Variants in SOX5 observed in about 807,000 individuals in gnomAD.
SOX5 encodes the protein transcription factor SOX-5.
In SOX5, 9 loss-of-function variants were observed where a neutral mutation model predicts 92.0. That is an observed-to-expected ratio of 0.10 (90% CI 0.06 to 0.17). The LOEUF (loss-of-function observed/expected upper bound fraction) is 0.17. Among genes scored for constraint, SOX5 ranks in the 10% least tolerant of loss-of-function variants. The probability of loss-of-function intolerance (pLI) is 1.00; values close to 1 mark genes in which losing one functional copy is unlikely to be tolerated. For synonymous variants in SOX5, 344 were observed against 336.3 expected, an observed-to-expected ratio of 1.02 and a Z score of -0.25; for missense variants, 642 against 944.5, an observed-to-expected ratio of 0.68 and a Z score of 4.20.
chr12:24,446,809 T>C (rs894376842), intron 1 of SOX5, among the ~76,000 whole-genome samples: 1 of 152,034 alleles, frequency 6.6e-6, no homozygotes, highest in Non-Finnish European at 1.5e-5. Flanking sequence ...AATAGCACAC[T>C]ATAAGATGGG....
intron 4 of SOX5, among the ~76,000 whole-genome samples, chr12:24,119,277 G>C (rs1948387102): frequency 6.6e-6 from 1 of 152,012 alleles, no homozygotes; most frequent in Non-Finnish European, 1.5e-5. Context: ...ACAAAACATT[G>C]AGTAGAATTT....
At chr12:24,512,234 A>T (rs1431056713) in intron 1 of SOX5, among the ~76,000 whole-genome samples, 1 of 152,236 alleles carries the variant, frequency 6.6e-6, no homozygotes, top group Non-Finnish European at 1.5e-5. Context: ...AAGATGTCTT[A>T]CATTTGCCCA....
At chr12:24,436,720 T>C (rs938661841) in intron 1 of SOX5, among the ~76,000 whole-genome samples, 1 of 152,220 alleles carries the variant, frequency 6.6e-6, no homozygotes, top group African/African-American at 2.4e-5. Context: ...AACAGCCTTA[T>C]ATTTGAAGAA....
At chr12:24,278,938 T>C (rs1462111552) in intron 2 of SOX5, among the ~76,000 whole-genome samples, 1 of 151,078 alleles carries the variant, frequency 6.6e-6, no homozygotes, top group Non-Finnish European at 1.5e-5. Context: ...GAGACTACAC[T>C]ACTACCACAA....
intron 1 of SOX5, among the ~76,000 whole-genome samples, chr12:24,463,272 A>C (rs2137515304): frequency 6.6e-6 from 1 of 152,278 alleles, no homozygotes; most frequent in East Asian, 1.9e-4. Flanking sequence ...ACTTTATAGA[A>C]AGCAACATTT....
intron 4 of SOX5, among the ~76,000 whole-genome samples, chr12:23,960,585 C>A (rs947314968): frequency 7.2e-6 from 1 of 138,630 alleles, no homozygotes; most frequent in Non-Finnish European, 1.6e-5. Context: ...TACTAAGAAC[C>A]TGAAGTCCAC....
At chr12:23,663,943 G>C (rs770625700) in intron 7 of SOX5, among the ~76,000 whole-genome samples, 36 of 152,040 alleles carry the variant, frequency 2.4e-4, no homozygotes, top group Non-Finnish European at 3.7e-4. Context: ...TCCAGAGTGA[G>C]AATTCCATTT....
At chr12:23,672,702 CTCTT>C (rs1033958580) in intron 6 of SOX5, among the ~76,000 whole-genome samples, 4 of 151,982 alleles carry the variant, frequency 2.6e-5, no homozygotes, top group Non-Finnish European at 4.4e-5. Context: ...TGGTCACTGA[CTCTT>C]TCTTTCAATG....
At chr12:24,034,318 G>C (rs774173880) in intron 4 of SOX5, among the ~76,000 whole-genome samples, 14 of 152,042 alleles carry the variant, frequency 9.2e-5, no homozygotes, top group Non-Finnish European at 1.8e-4. Flanking sequence ...GAAGCTACTT[G>C]TTTCTCTCCC....
At chr12:23,673,819 A>C (rs2085201633) in intron 6 of SOX5, among the ~76,000 whole-genome samples, 1 of 152,120 alleles carries the variant, frequency 6.6e-6, no homozygotes, top group South Asian at 2.1e-4. Flanking sequence ...GGGAGTGATG[A>C]AAATGTTCTG....
chr12:23,569,042 T>C (rs1947666748), intron 10 of SOX5, among the ~76,000 whole-genome samples: 1 of 151,760 alleles, frequency 6.6e-6, no homozygotes, highest in Non-Finnish European at 1.5e-5. Flanking sequence ...ACACAAAAAA[T>C]TAGTGGAGCA....
At position 24,276,375 on chromosome 12, in the gene SOX5, A is replaced by G. The variant is rs565751616; in HGVS notation, c.-77+841T>C. On this transcript the variant is annotated intron_variant, in intron 3 of 4. Coordinates refer to the SOX5 transcript ENST00000446891. Reference sequence around the variant, plus strand: ...TACACTTGCATCTTGAAATGGTGGGAACATAAGTCATAACACTGTAAGAGC... The same window carrying G: ...TACACTTGCATCTTGAAATGGTGGGGACATAAGTCATAACACTGTAAGAGC... 9.2e-5 allele frequency among the ~76,000 whole-genome samples: 14 copies of G among 152,284 alleles called. No homozygotes were observed. In the South Asian group the frequency reaches 2.9e-3, roughly 32 times the overall value.
chr12:23,727,642 C>A (rs2140756018), intron 6 of SOX5, among the ~76,000 whole-genome samples: 1 of 152,150 alleles, frequency 6.6e-6, no homozygotes, highest in Admixed American at 6.5e-5. Context: ...TATATAACTG[C>A]ATCTTGAGGA....
chr12:23,941,816 G>A (rs1208408640), intron 1 of SOX5, among the ~76,000 whole-genome samples: 3 of 151,226 alleles, frequency 2.0e-5, no homozygotes, highest in Admixed American at 6.6e-5. Flanking sequence ...TTATCCTAAC[G>A]AATCTCCAAC....
chr12:24,039,392 C>T (rs1475666183), intron 4 of SOX5, among the ~76,000 whole-genome samples: 3 of 152,058 alleles, frequency 2.0e-5, no homozygotes, highest in East Asian at 3.9e-4. Flanking sequence ...CAAGGTCTTG[C>T]TAAAGTCAAC....
intron 2 of SOX5, among the ~76,000 whole-genome samples, chr12:24,320,634 G>A (rs1385755896): frequency 4.6e-5 from 7 of 152,044 alleles, no homozygotes. Context: ...GGGAGGCCGA[G>A]GCGGGGAGAT....
At chr12:24,341,643 A>G (rs1952587106) in intron 2 of SOX5, among the ~76,000 whole-genome samples, 1 of 152,226 alleles carries the variant, frequency 6.6e-6, no homozygotes, top group African/African-American at 2.4e-5. Flanking sequence ...TCCTGCAAAT[A>G]ACATTTCCCT....
intron 3 of SOX5, among the ~76,000 whole-genome samples, chr12:23,769,442 C>G (rs2094849678): frequency 6.6e-6 from 1 of 152,040 alleles, no homozygotes; most frequent in South Asian, 2.1e-4. Flanking sequence ...GGGGCTACTA[C>G]CAAATCCTTT....
chr12:24,375,209 G>A (rs1317219683), intron 1 of SOX5, among the ~76,000 whole-genome samples: 2 of 151,408 alleles, frequency 1.3e-5, no homozygotes, highest in African/African-American at 4.8e-5. Flanking sequence ...ACCTGACCTC[G>A]TGATCCACCC....
Sources: gnomAD v4.1 joint callset for allele counts (sites outside exome capture counted in the v4.1 genomes callset) on GRCh38, gnomAD v4.1.1 for gene constraint, MANE v1.5 for transcripts, NCBI Gene and HGNC (gene_info 2026-07-23, HGNC 2026-07-21) for gene names.